The following STARD13 variants were observed in gnomAD, a reference collection of about 807,000 sequenced individuals.
STARD13 encodes the protein StAR related lipid transfer domain containing 13, also known as stAR-related lipid transfer protein 13.
A neutral mutation model predicts 106.4 loss-of-function variants in STARD13; 62 were observed. The observed-to-expected ratio is 0.58, with a 90% CI of 0.48 to 0.72. The LOEUF (loss-of-function observed/expected upper bound fraction) is 0.72. Ranked by LOEUF, STARD13 falls within the 30% of genes least tolerant of loss-of-function variation. STARD13 has a pLI of 0.00. For missense variants in STARD13, 1,387 were observed against 1,424.0 expected (o/e 0.97, Z 0.42); for synonymous variants, 565 against 553.0 (o/e 1.02, Z -0.31).
At chr13:33,537,141 G>A in the STARD13 span, among the ~76,000 whole-genome samples, 2 of 152,148 alleles carry the variant, frequency 1.3e-5, no homozygotes, top group South Asian at 2.1e-4. Flanking sequence ...TTCTGAGCAC[G>A]GCTTTCAATA....
the STARD13 span, among the ~76,000 whole-genome samples, chr13:33,663,911 C>T: frequency 6.6e-6 from 1 of 152,168 alleles, no homozygotes; most frequent in African/African-American, 2.4e-5. Flanking sequence ...GCTGTGGCAC[C>T]GTTCCTCCGA....
chr13:33,133,783 A>T (rs2138191362), intron 4 of STARD13, among the ~76,000 whole-genome samples: 2 of 152,242 alleles, frequency 1.3e-5, no homozygotes, highest in Middle Eastern at 6.8e-3. Context: ...TTGACAACCT[A>T]CCAAGGGGCC....
At chr13:33,144,520 C>T (rs778345251) in intron 3 of STARD13, among the ~76,000 whole-genome samples, 4 of 152,198 alleles carry the variant, frequency 2.6e-5, no homozygotes, top group South Asian at 2.1e-4. Context: ...CGTCGCTCAC[C>T]GACTGAAATA....
chr13:33,332,781 C>T (rs911674260), intron 1 of STARD13, among the ~76,000 whole-genome samples: 8 of 152,134 alleles, frequency 5.3e-5, no homozygotes, highest in East Asian at 3.8e-4. Context: ...ACAACACTTA[C>T]ATATAGTTAT....
At chr13:33,609,219 C>T in the STARD13 span, among the ~76,000 whole-genome samples, 2 of 150,434 alleles carry the variant, frequency 1.3e-5, no homozygotes, top group African/African-American at 4.9e-5. Flanking sequence ...GTGTAGAAAC[C>T]ACATATAAAT....
chr13:33,317,857 T>C (rs1384605175), intron 1 of STARD13, among the ~76,000 whole-genome samples: 1 of 152,230 alleles, frequency 6.6e-6, no homozygotes, highest in Non-Finnish European at 1.5e-5. Flanking sequence ...GATGGACGGA[T>C]GGATGAATAA....
At chr13:33,111,277 C>T (rs1220569717) in intron 10 of STARD13, among the ~76,000 whole-genome samples, 1 of 152,208 alleles carries the variant, frequency 6.6e-6, no homozygotes, top group East Asian at 1.9e-4. Flanking sequence ...AAACATCAAA[C>T]ATGACTTGGG....
chr13:33,122,210 G>A (rs564994252), intron 7 of STARD13, among the ~76,000 whole-genome samples: 5 of 152,180 alleles, frequency 3.3e-5, no homozygotes, highest in Non-Finnish European at 7.3e-5. Context: ...CTGAACTCCT[G>A]ACCTCAAGTG....
the STARD13 span, among the ~76,000 whole-genome samples, chr13:33,588,377 T>G: frequency 6.6e-6 from 1 of 152,214 alleles, no homozygotes; most frequent in African/African-American, 2.4e-5. Flanking sequence ...AGTGCTTTAC[T>G]TACAGTGTTT....
chr13:33,301,724 T>C (rs1892725392), intron 1 of STARD13, among the ~76,000 whole-genome samples: 1 of 152,092 alleles, frequency 6.6e-6, no homozygotes, highest in African/African-American at 2.4e-5. Context: ...CCCGCCACCA[T>C]GCCTGGCTAA....
chr13:33,271,077 A>C lies in STARD13; in HGVS notation c.169+14393T>G, dbSNP rs1891136792. Among the ~76,000 whole-genome samples, 4 of 152,350 alleles carry C rather than the reference A, an allele frequency of 2.6e-5. No homozygotes were observed. In the South Asian group the frequency reaches 8.3e-4, roughly 32 times the overall value. On this transcript the variant is annotated intron_variant, in intron 1 of 13. Coordinates refer to ENST00000336934, the MANE Select transcript of STARD13 (RefSeq NM_178006.4). The stretch of plus-strand genomic sequence containing the variant: ...CTTCTGGCAAAATTTCACAAACACC[A>C]GAAGTTGGCAGAACATTGATACTTT...
At chr13:33,594,580 T>C in the STARD13 span, among the ~76,000 whole-genome samples, 1 of 152,226 alleles carries the variant, frequency 6.6e-6, no homozygotes, top group African/African-American at 2.4e-5. Flanking sequence ...GGCATTAAGT[T>C]CATTAACGTT....
At chr13:33,553,039 TAAG>T in the STARD13 span, among the ~76,000 whole-genome samples, 1 of 152,130 alleles carries the variant, frequency 6.6e-6, no homozygotes, top group Non-Finnish European at 1.5e-5. Context: ...TTAAACAAAA[TAAG>T]AAATAAAACA....
At chr13:33,643,500 G>C in the STARD13 span, among the ~76,000 whole-genome samples, 1 of 152,376 alleles carries the variant, frequency 6.6e-6, no homozygotes, top group East Asian at 1.9e-4. Flanking sequence ...TCAGGGCTGA[G>C]TCAACCAGAC....
intron 1 of STARD13, among the ~76,000 whole-genome samples, chr13:33,214,419 A>C (rs1368097973): frequency 3.9e-5 from 6 of 152,176 alleles, no homozygotes; most frequent in Non-Finnish European, 8.8e-5. Flanking sequence ...GGCAGCTATA[A>C]GGCATTTGCT....
chr13:33,481,853 G>C, the STARD13 span, among the ~76,000 whole-genome samples: 1 of 106,582 alleles, frequency 9.4e-6, no homozygotes, highest in East Asian at 2.5e-4. Context: ...GTGGTGGCGG[G>C]CGCCTGTAAG....
At chr13:33,524,363 T>C in the STARD13 span, 4 of 924,062 alleles carry the variant, frequency 4.3e-6, no homozygotes, top group Admixed American at 4.1e-5. Flanking sequence ...CTCTCCAGGT[T>C]TATAGAATCC....
At chr13:33,582,281 G>A in the STARD13 span, among the ~76,000 whole-genome samples, 2 of 152,080 alleles carry the variant, frequency 1.3e-5, no homozygotes, top group Admixed American at 1.3e-4. Flanking sequence ...TTACACAGCT[G>A]TTAAGTGGCA....
At chr13:33,639,757 T>C in the STARD13 span, among the ~76,000 whole-genome samples, 2 of 152,228 alleles carry the variant, frequency 1.3e-5, no homozygotes, top group African/African-American at 4.8e-5. Context: ...AAAGCCAAAC[T>C]GTAATCAACC....
Sources: gnomAD v4.1 joint callset for allele counts (sites outside exome capture counted in the v4.1 genomes callset) on GRCh38, gnomAD v4.1.1 for gene constraint, MANE v1.5 for transcripts, NCBI Gene and HGNC (gene_info 2026-07-23, HGNC 2026-07-21) for gene names.